The following PCDH11X variants were observed in gnomAD, a reference collection of about 807,000 sequenced individuals.
The protein encoded by PCDH11X is protocadherin 11 X-linked.
A neutral mutation model predicts 53.3 loss-of-function variants in PCDH11X; 18 were observed. The observed-to-expected ratio is 0.34, with a 90% CI of 0.23 to 0.50. The LOEUF (loss-of-function observed/expected upper bound fraction) is 0.50, where lower values mean the gene tolerates loss of function less well. Among genes scored for constraint, PCDH11X ranks in the 20% least tolerant of loss-of-function variants. PCDH11X has a pLI of 0.98. For missense variants in PCDH11X, 570 were observed against 1,032.4 expected (o/e 0.55, Z 6.14); for synonymous variants, 279 against 393.3 (o/e 0.71, Z 3.44).
intron 10 of PCDH11X, among the ~76,000 whole-genome samples, chrX:92,544,306 G>A (rs1053655032): frequency 1.8e-5 from 2 of 111,322 alleles, no homozygotes; most frequent in Non-Finnish European, 3.8e-5. Flanking sequence ...GTTATGCTTG[G>A]AGAAAATATA....
At chrX:92,599,526 C>G (rs1179837318) in intron 10 of PCDH11X, among the ~76,000 whole-genome samples, 2 of 112,252 alleles carry the variant, frequency 1.8e-5, no homozygotes, top group African/African-American at 6.5e-5. Flanking sequence ...GTAAGGCATG[C>G]CTTTTTTCTT....
intron 5 of PCDH11X, among the ~76,000 whole-genome samples, chrX:91,840,630 A>C (rs928584685): frequency 4.5e-5 from 5 of 111,681 alleles, no homozygotes; most frequent in Non-Finnish European, 9.4e-5. Context: ...GAAAAATCTC[A>C]CCTACCACAA....
chrX:92,182,285 G>A (rs1403405375), intron 6 of PCDH11X, among the ~76,000 whole-genome samples: 1 of 111,781 alleles, frequency 8.9e-6, no homozygotes, highest in African/African-American at 3.3e-5. Context: ...TGGAATGGCT[G>A]TATTTACCGA....
chrX:91,986,943 G>T (rs952457802), intron 6 of PCDH11X, among the ~76,000 whole-genome samples: 1 of 110,677 alleles, frequency 9.0e-6, no homozygotes, highest in African/African-American at 3.3e-5. Flanking sequence ...GCTCTCAGCT[G>T]TCTAAAAGTT....
chrX:92,288,006 A>G (rs1246454376), intron 8 of PCDH11X: 2 of 514,991 alleles, frequency 3.9e-6, no homozygotes, highest in Non-Finnish European at 3.5e-6. Context: ...CATGACCGTA[A>G]GTTTCCTGAG....
At chrX:92,080,839 G>C (rs919858015) in intron 6 of PCDH11X, among the ~76,000 whole-genome samples, 9 of 111,233 alleles carry the variant, frequency 8.1e-5, no homozygotes, top group African/African-American at 2.9e-4. Context: ...GGCTAGGTTA[G>C]TTATTTGGGT....
chrX:91,881,667 T>G (rs1184400235), intron 6 of PCDH11X, among the ~76,000 whole-genome samples: 1 of 111,842 alleles, frequency 8.9e-6, no homozygotes, highest in Non-Finnish European at 1.9e-5. Context: ...TGTTGCAGAA[T>G]GCTAGCAAAA....
rs191176374 is a variant in PCDH11X, at chrX:92,182,580, T to G, written c.3034-18795T>G. On this transcript the variant is annotated intron_variant, in intron 6 of 10. Coordinates refer to ENST00000682573, the MANE Select transcript of PCDH11X (RefSeq NM_032968.5). ...CCCACATGATGTGGGAAGGACCCAGTGGGAAGTAATTTAATCATGGGGGCA... is the reference window on the plus strand; with the variant it reads ...CCCACATGATGTGGGAAGGACCCAGGGGGAAGTAATTTAATCATGGGGGCA... 1.2e-3 allele frequency among the ~76,000 whole-genome samples: 134 copies of G among 111,368 alleles called. 1 individual carries two copies. The highest frequency in any genetic ancestry group is 3.8e-4 in the Non-Finnish European group (20 of 53,050).
intron 6 of PCDH11X, among the ~76,000 whole-genome samples, chrX:91,895,735 T>C (rs773277734): frequency 2.8e-5 from 3 of 107,627 alleles, no homozygotes; most frequent in African/African-American, 6.7e-5. Flanking sequence ...ACTGATATTA[T>C]ATATAATACA....
chrX:91,824,094 G>A (rs1235080055), intron 4 of PCDH11X, among the ~76,000 whole-genome samples: 2 of 111,191 alleles, frequency 1.8e-5, no homozygotes, highest in African/African-American at 3.3e-5. Flanking sequence ...CTTTCTCTCT[G>A]GCTGCCCTTA....
intron 10 of PCDH11X, among the ~76,000 whole-genome samples, chrX:92,514,971 C>T (rs1305863469): frequency 9.2e-5 from 9 of 97,700 alleles, no homozygotes; most frequent in Non-Finnish European, 1.6e-4. Flanking sequence ...GGCGTGAACC[C>T]GGGAGGCGGA....
chrX:92,134,681 C>CTTGA (rs2065055393), intron 6 of PCDH11X, among the ~76,000 whole-genome samples: 1 of 110,765 alleles, frequency 9.0e-6, no homozygotes. Context: ...ATGGTAATTT[C>CTTGA]TTGATTATAT....
chrX:91,926,783 A>C (rs1941962779), intron 6 of PCDH11X, among the ~76,000 whole-genome samples: 1 of 111,299 alleles, frequency 9.0e-6, no homozygotes, highest in African/African-American at 3.3e-5. Flanking sequence ...TCATTAGCAT[A>C]TTTATAATCT....
chrX:91,837,359 C>T (rs1455435019), intron 5 of PCDH11X, among the ~76,000 whole-genome samples: 1 of 111,633 alleles, frequency 9.0e-6, no homozygotes, highest in Non-Finnish European at 1.9e-5. Flanking sequence ...AGTACAACCA[C>T]TAAGGAGAAC....
chrX:91,984,178 G>A (rs2571931), intron 6 of PCDH11X, among the ~76,000 whole-genome samples: 9,932 of 75,858 alleles, frequency 0.13, 1,423 homozygotes, highest in African/African-American at 0.29. Flanking sequence ...CTACCTTATT[G>A]AAACCGTTTT....
chrX:91,966,667 A>G (rs1205581636), intron 6 of PCDH11X, among the ~76,000 whole-genome samples: 1 of 111,785 alleles, frequency 8.9e-6, no homozygotes, highest in Admixed American at 9.5e-5. Flanking sequence ...ATAAAATAAA[A>G]TAATAAAATT....
At chrX:91,928,100 G>A (rs909084306) in intron 6 of PCDH11X, among the ~76,000 whole-genome samples, 11 of 109,780 alleles carry the variant, frequency 1.0e-4, no homozygotes, top group Non-Finnish European at 1.9e-4. Context: ...AAGCTTCATG[G>A]TTTATTTTAG....
chrX:92,195,433 T>G (rs754112537), intron 6 of PCDH11X, among the ~76,000 whole-genome samples: 2 of 111,750 alleles, frequency 1.8e-5, no homozygotes, highest in Non-Finnish European at 3.8e-5. Context: ...TAAATGAATA[T>G]ATTTCTCCCA....
chrX:92,284,908 G>A (rs1421584185), intron 8 of PCDH11X, among the ~76,000 whole-genome samples: 1 of 111,220 alleles, frequency 9.0e-6, no homozygotes, highest in African/African-American at 3.3e-5. Context: ...GACTTGATAA[G>A]ATACGCCAAA....
Sources: gnomAD v4.1 joint callset for allele counts (sites outside exome capture counted in the v4.1 genomes callset) on GRCh38, gnomAD v4.1.1 for gene constraint, MANE v1.5 for transcripts, NCBI Gene and HGNC (gene_info 2026-07-23, HGNC 2026-07-21) for gene names.